The following PRDM1 variants were observed in gnomAD, a reference collection of about 807,000 sequenced individuals.
PRDM1 encodes PR domain zinc finger protein 1.
In PRDM1, 13 loss-of-function variants were observed where a neutral mutation model predicts 62.8. The observed-to-expected ratio is 0.21, with a 90% CI of 0.13 to 0.33. The LOEUF (loss-of-function observed/expected upper bound fraction) is 0.33, where lower values mean the gene tolerates loss of function less well. PRDM1 is among the 10% of genes least tolerant of loss of function. PRDM1 has a pLI of 1.00. For synonymous variants in PRDM1, 396 were observed against 417.6 expected (o/e 0.95, Z 0.63); for missense variants, 895 against 1,058.8 (o/e 0.85, Z 2.15).
At chr6:106,006,217 C>T (rs1401449158) in intron 1 of PRDM1, among the ~76,000 whole-genome samples, 1 of 152,220 alleles carries the variant, frequency 6.6e-6, no homozygotes, top group African/African-American at 2.4e-5. Flanking sequence ...CAGACTCAGC[C>T]AAGACTGATG....
intron 1 of PRDM1, among the ~76,000 whole-genome samples, chr6:106,043,100 C>T (rs1358795772): frequency 6.6e-6 from 1 of 152,200 alleles, no homozygotes; most frequent in Non-Finnish European, 1.5e-5. Flanking sequence ...ATCTGCTCAC[C>T]TTGGCCTCCC....
At chr6:106,032,046 C>T (rs911675018) in intron 1 of PRDM1, among the ~76,000 whole-genome samples, 2 of 152,080 alleles carry the variant, frequency 1.3e-5, no homozygotes, top group African/African-American at 4.8e-5. Flanking sequence ...TGATGCCTTA[C>T]CCACAGGTAG....
chr6:106,044,292 T>A (rs1394434417), upstream of PRDM1, among the ~76,000 whole-genome samples: 1 of 152,050 alleles, frequency 6.6e-6, no homozygotes, highest in African/African-American at 2.4e-5. Flanking sequence ...TTCTCTTTCT[T>A]GAACTGTTTA....
chr6:106,105,109 G>A lies in PRDM1; in HGVS notation c.949G>A (p.Gly317Arg), dbSNP rs1774417693. ...EDFLKASLAY[G>R]IERPTYITRS... ...CTTTTTGAAAGCTTCCCTGGCCTAC[G>A]GGATCGAGAGACCCACGTACATCAC... Residue 317 changes from glycine (G) to arginine (R), a missense_variant, in exon 5 of 7, where the codon GGG becomes AGG. By Grantham distance (125) the Gly-to-Arg change is moderately radical. Around this residue, in one of 4 missense-constraint regions of PRDM1, gnomAD observed 444 missense variants for 422.7 expected, o/e 1.05. Coordinates refer to ENST00000369096, the MANE Select transcript of PRDM1 (RefSeq NM_001198.4). The A allele has an allele frequency of 6.2e-7, 1 of 1,613,960 alleles. No homozygotes were observed. The highest frequency in any genetic ancestry group is 1.7e-5 in the Admixed American group (1 of 60,010).
At chr6:106,008,414 C>G (rs560752527) in intron 1 of PRDM1, among the ~76,000 whole-genome samples, 1 of 152,224 alleles carries the variant, frequency 6.6e-6, no homozygotes, top group Admixed American at 6.5e-5. Flanking sequence ...ATGACTCACA[C>G]TTGTGGAAAT....
chr6:106,105,464 A>G lies in PRDM1; in HGVS notation c.1304A>G (p.Asn435Ser), dbSNP rs779633435. 2 of 1,614,088 alleles carry G rather than the reference A, an allele frequency of 1.2e-6. No homozygotes were observed. The highest frequency in any genetic ancestry group is 1.3e-5 in the African/African-American group (1 of 75,016). The change falls in exon 5 of 7, where the codon AAC (asparagine) becomes AGC (serine). Residue 435 changes from asparagine to serine, a missense_variant. By Grantham distance (46) the Asn-to-Ser change is conservative. Coordinates refer to ENST00000369096, the MANE Select transcript of PRDM1 (RefSeq NM_001198.4). ...LSAVSSMNGI[N>S]NFGLFPRLCP... is the part of the protein sequence containing the mutation. ...GCTGTGAGCAGCATGAATGGCATCA[A>G]CAACTTTGGCCTCTTCCCGAGGCTG...
At chr6:106,056,016 C>G (rs183643560) in intron 1 of PRDM1, among the ~76,000 whole-genome samples, 6 of 152,082 alleles carry the variant, frequency 3.9e-5, no homozygotes, top group Non-Finnish European at 8.8e-5. Flanking sequence ...TTTTTTTTAA[C>G]TCAAGGAAAA....
At chr6:106,066,090 C>G (rs78382288) in intron 1 of PRDM1, among the ~76,000 whole-genome samples, 2,377 of 152,312 alleles carry the variant, frequency 0.016, 25 homozygotes, top group Middle Eastern at 0.044. Flanking sequence ...GGAGAAACAG[C>G]CGCCCTGCCT....
At chr6:106,036,277 T>C (rs1772924570) in intron 1 of PRDM1, among the ~76,000 whole-genome samples, 2 of 152,098 alleles carry the variant, frequency 1.3e-5, no homozygotes, top group South Asian at 4.2e-4. Flanking sequence ...GCCTCCCAAG[T>C]AGCTGGGATT....
upstream of PRDM1, chr6:106,045,926 G>A (rs1035777422): frequency 2.0e-5 from 3 of 152,242 alleles, no homozygotes; most frequent in Admixed American, 1.3e-4. Context: ...GATAGATGCA[G>A]AGCCTACTCC....
chr6:106,027,242 T>C (rs1034949724), intron 1 of PRDM1, among the ~76,000 whole-genome samples: 2 of 152,242 alleles, frequency 1.3e-5, no homozygotes, highest in East Asian at 3.8e-4. Context: ...TGCCAGCTGA[T>C]TTATGGCAAA....
intron 1 of PRDM1, among the ~76,000 whole-genome samples, chr6:106,059,478 A>C (rs1353528625): frequency 6.6e-6 from 1 of 152,172 alleles, no homozygotes; most frequent in Non-Finnish European, 1.5e-5. Context: ...GAATGAAAGG[A>C]GATGAGACCC....
At chr6:106,015,711 A>G (rs1175475073) in intron 1 of PRDM1, among the ~76,000 whole-genome samples, 1 of 152,200 alleles carries the variant, frequency 6.6e-6, no homozygotes. Flanking sequence ...CCAAAAATGT[A>G]AAACAAACAT....
chr6:106,072,419 G>T (rs1434979603), intron 1 of PRDM1, among the ~76,000 whole-genome samples: 1 of 152,212 alleles, frequency 6.6e-6, no homozygotes, highest in African/African-American at 2.4e-5. Context: ...ATGCAATTGG[G>T]TGTGCCTCAC....
At chr6:106,095,553 T>G in intron 2 of PRDM1, 62 bp from the exon 3 acceptor site, 2 of 1,571,596 alleles carry the variant, frequency 1.3e-6, no homozygotes, top group Non-Finnish European at 1.7e-6. Flanking sequence ...TTTATTTAAT[T>G]GAAAAGATTG....
At position 106,107,505 on chromosome 6, in the gene PRDM1, A is replaced by G. The variant is rs1362861281; in HGVS notation, c.*19A>G. On this transcript the variant is annotated 3_prime_UTR_variant, in exon 7 of 7. Coordinates refer to ENST00000369096, the MANE Select transcript of PRDM1 (RefSeq NM_001198.4). ...TCCTTAAGATTTTCAGAAAACACTTATTTTGTTTCTTAAGTTATGACTTGG... is the reference window on the plus strand; with the variant it reads ...TCCTTAAGATTTTCAGAAAACACTTGTTTTGTTTCTTAAGTTATGACTTGG... The G allele has an allele frequency of 6.4e-7, 1 of 1,572,452 alleles. No individual in the cohort carries two copies. Among genetic ancestry groups the G allele is most frequent in the East Asian group, 2.2e-5 (1 of 44,456 alleles).
chr6:106,025,321 G>A (rs2114562484), intron 1 of PRDM1, among the ~76,000 whole-genome samples: 1 of 152,312 alleles, frequency 6.6e-6, no homozygotes, highest in South Asian at 2.1e-4. Context: ...TAACGTTTAT[G>A]CCATATGCTT....
intron 1 of PRDM1, among the ~76,000 whole-genome samples, chr6:106,078,618 T>A (rs979031825): frequency 2.0e-5 from 3 of 152,222 alleles, no homozygotes; most frequent in African/African-American, 7.2e-5. Flanking sequence ...ACGCCTGTAA[T>A]CCCAACACTG....
chr6:106,053,096 A>G (rs1412596221), intron 1 of PRDM1, among the ~76,000 whole-genome samples: 2 of 152,088 alleles, frequency 1.3e-5, no homozygotes, highest in African/African-American at 4.8e-5. Flanking sequence ...TTGCATTTTT[A>G]TTTTAGAATG....
Sources: allele counts gnomAD v4.1 joint callset (sites outside exome capture counted in the v4.1 genomes callset), GRCh38; gene constraint gnomAD v4.1.1; regional missense constraint gnomAD v4.1.1; transcripts MANE v1.5; gene names NCBI Gene and HGNC (gene_info 2026-07-23, HGNC 2026-07-21).